YBX2: variants seen among roughly 807,000 people sequenced by gnomAD.
YBX2 encodes Y-box-binding protein 2.
In YBX2, 5 loss-of-function variants were observed where a neutral mutation model predicts 44.4. The observed-to-expected ratio is 0.11, with a 90% CI of 0.06 to 0.24. The LOEUF (loss-of-function observed/expected upper bound fraction) is 0.24, where lower values mean the gene tolerates loss of function less well. Ranked by LOEUF, YBX2 falls within the 10% of genes least tolerant of loss-of-function variation. YBX2 has a pLI of 1.00. For missense variants in YBX2, 417 were observed against 526.9 expected (o/e 0.79, Z 2.04); for synonymous variants, 188 against 216.1 (o/e 0.87, Z 1.14).
intron 2 of YBX2, chr17:7,292,306 G>A: frequency 1.9e-6 from 1 of 531,790 alleles, no homozygotes; most frequent in Non-Finnish European, 3.4e-6. Context: ...AGGCTGGGGA[G>A]GCAAAGGCAC....
intron 6 of YBX2, 103 bp from the exon 7 acceptor site, chr17:7,289,828 G>T: frequency 6.3e-7 from 1 of 1,591,720 alleles, no homozygotes; most frequent in South Asian, 1.1e-5. Flanking sequence ...TCCAGCCCAT[G>T]AGCACTGCCT....
chr17:7,289,433 G>GCTC, intron 7 of YBX2, 97 bp downstream of exon 7: 2 of 1,520,738 alleles, frequency 1.3e-6, no homozygotes, highest in South Asian at 1.2e-5. Context: ...GGCAGGGGAG[G>GCTC]GGAGGAGCCA....
At position 7,294,350 on chromosome 17, in the gene YBX2, A is replaced by G; in HGVS notation, c.151T>C (p.Ser51Pro). The G allele has an allele frequency of 1.5e-6, 2 of 1,356,232 alleles. No individual in the cohort carries two copies. The highest frequency in any genetic ancestry group is 1.9e-6 in the Non-Finnish European group (2 of 1,055,896). 84.0% of individuals were successfully genotyped at this position (1,356,232 alleles called of 1,614,324 possible). Residue 51 changes from serine to proline, a missense_variant, in exon 1 of 9, where the codon TCG (serine) becomes CCG (proline). Ser to Pro is a moderately conservative substitution (Grantham distance 74). Transcript: ENST00000007699. This position sits in a 1 kb window ranked among gnomAD's most constrained non-coding sequence, Gnocchi z 4.6. ...GAGGGGGTCCCAGCAGCGGGGCCCG[A>G]GGCGGCTCCGCCCCCGCCGCCCGCC... is the stretch of plus-strand genomic sequence containing the variant. ...GGAGGGGGAA[S>P]GPAAGTPSAP...
chr17:7,292,131 G>C (rs2072505779), intron 2 of YBX2, 72 bp from the exon 3 acceptor site: 5 of 1,573,510 alleles, frequency 3.2e-6, no homozygotes. Flanking sequence ...GGTCCCCCTA[G>C]ATGCCCAGTC....
At chr17:7,290,928 C>G (rs772175929) in intron 4 of YBX2, among the ~76,000 whole-genome samples, 165 bp downstream of exon 4, 1 of 152,174 alleles carries the variant, frequency 6.6e-6, no homozygotes, top group Non-Finnish European at 1.5e-5. Flanking sequence ...CTTAGGACAT[C>G]CCTTAGCCCT....
intron 6 of YBX2, 61 bp downstream of exon 6, chr17:7,289,906 TC>T: frequency 6.2e-7 from 1 of 1,605,230 alleles, no homozygotes; most frequent in East Asian, 2.2e-5. Flanking sequence ...CATCCTCCTG[TC>T]CCTTGCCCCA....
At position 7,291,797 on chromosome 17, in the gene YBX2, C is replaced by G. The variant is rs1405595251; in HGVS notation, c.369+229G>C. The G allele has an allele frequency of 3.4e-6, 2 of 582,400 alleles. No homozygotes were observed. The highest frequency in any genetic ancestry group is 1.9e-5 in the African/African-American group (1 of 53,516). The allele number at this position is 582,400 out of a possible 1,614,324, so 36.1% of individuals were successfully genotyped here. On this transcript the variant is annotated intron_variant, in intron 3 of 8. Coordinates refer to ENST00000007699, the MANE Select transcript of YBX2 (RefSeq NM_015982.4). This position sits in a 1 kb window ranked among gnomAD's most constrained non-coding sequence, Gnocchi z 5.8. ...AGTGCTTCCTGGAGTGTTAACAGGT[C>G]CCGGTGGGTAGTAAGCGTGCCATGC...
chr17:7,292,470 C>T (rs2072508305), intron 2 of YBX2: 1 of 244,306 alleles, frequency 4.1e-6, no homozygotes, highest in Non-Finnish European at 8.3e-6. Context: ...CTTCTTCCTT[C>T]TATAGTCAAG....
intron 6 of YBX2, 40 bp from the exon 7 acceptor site, chr17:7,289,765 C>T: frequency 6.2e-7 from 1 of 1,611,388 alleles, no homozygotes. Flanking sequence ...CCAGGGAATA[C>T]TCCCTCCCCA....
chr17:7,292,194 C>G (rs1354516907), intron 2 of YBX2, 135 bp from the exon 3 acceptor site: 9 of 1,037,706 alleles, frequency 8.7e-6, no homozygotes, highest in Non-Finnish European at 1.3e-5. Flanking sequence ...TGGACATGGC[C>G]TGGGGAATGG....
rs768982078 is a variant in YBX2, at chr17:7,290,292, C to G, written c.703G>C (p.Val235Leu). The part of the protein sequence containing the change: ...PPPFFYRRRF[V>L]RGPRPPNQQQ... ...TGGTTGGGAGGCCGGGGGCCTCGCA[C>G]AAACCGCCGTCGGTAGAAGAAGGGT... The change falls in exon 5 of 9, where the codon GTG (valine) becomes CTG (leucine). Residue 235 changes from valine (V) to leucine (L), a missense_variant. This residue lies in a region of YBX2 where 257 missense variants were observed against 261.7 expected (regional missense o/e 0.98). Coordinates refer to ENST00000007699, the MANE Select transcript of YBX2 (RefSeq NM_015982.4). 1 of 1,613,494 alleles carries G rather than the reference C, an allele frequency of 6.2e-7. No individual in the cohort carries two copies. The highest frequency in any genetic ancestry group is 1.1e-5 in the South Asian group (1 of 91,018).
chr17:7,291,177 A>C lies in YBX2; in HGVS notation c.375T>G (p.Ala125=). 6.2e-7 allele frequency: 1 copy of C among 1,613,940 alleles called. No homozygotes were observed. Among genetic ancestry groups the C allele is most frequent in the East Asian group, 2.2e-5 (1 of 44,900 alleles). The change falls in exon 4 of 9, where the codon GCT becomes GCG. Residue 125 remains alanine (A), a synonymous_variant. Transcript: ENST00000007699. The surrounding 1 kb of genome is among the most constrained non-coding windows in gnomAD (Gnocchi z 5.8). ...TKEDVFVHQT[A]IKRNNPRKFL... is the part of the protein sequence containing the mutation. ...ACTTCCTGGGGTTGTTTCTTTTAAT[A>C]GCTGTCTGATTGGGGAAAAGGCCAT...
intron 2 of YBX2, chr17:7,292,688 G>A (rs1383271438): frequency 2.0e-4 from 30 of 153,456 alleles, no homozygotes; most frequent in Admixed American, 1.9e-3. Flanking sequence ...AAGAACCCCA[G>A]TGGGTGGGGG....
intron 7 of YBX2, 104 bp from the exon 8 acceptor site, chr17:7,288,942 A>G: frequency 7.2e-7 from 1 of 1,391,090 alleles, no homozygotes; most frequent in East Asian, 2.4e-5. Context: ...GGCTCACTGC[A>G]AACTCCCCCT....
chr17:7,288,923 C>G (rs1485111000), intron 7 of YBX2, 85 bp from the exon 8 acceptor site: 2 of 1,551,742 alleles, frequency 1.3e-6, no homozygotes, highest in East Asian at 2.3e-5. Flanking sequence ...AGTACAGTGG[C>G]GTGATCTTGG....
intron 7 of YBX2, among the ~76,000 whole-genome samples, 182 bp from the exon 8 acceptor site, chr17:7,289,020 C>G (rs1411065375): frequency 1.3e-5 from 2 of 152,148 alleles, no homozygotes; most frequent in Non-Finnish European, 1.5e-5. Context: ...TGCTACCACG[C>G]CTGGCTAATT....
chr17:7,294,222 C>A lies in YBX2; in HGVS notation c.271+8G>T. On this transcript the variant is annotated splice_region_variant and intron_variant, in intron 1 of 8. Transcript: ENST00000007699. The surrounding 1 kb of genome is among the most constrained non-coding windows in gnomAD (Gnocchi z 4.6). ...CTCAGAGCCGCCCTGTGCGCGCCTG[C>A]CCCTCACCCAGCACCGGCTTGTCCG... 7.9e-7 allele frequency: 1 copy of A among 1,269,708 alleles called. No individual in the cohort carries two copies. Among genetic ancestry groups the A allele is most frequent in the Non-Finnish European group, 9.9e-7 (1 of 1,013,308 alleles). The allele number at this position is 1,269,708 out of a possible 1,614,324, so 78.7% of individuals were successfully genotyped here.
At chr17:7,290,702 T>C (rs778136638) in intron 4 of YBX2, 167 bp from the exon 5 acceptor site, 48 of 804,678 alleles carry the variant, frequency 6.0e-5, no homozygotes, top group Middle Eastern at 3.1e-4. Flanking sequence ...TTGCACCCAT[T>C]TGGGAAGGAG....
chr17:7,289,931 G>A (rs767959594), intron 6 of YBX2, 37 bp downstream of exon 6: 1 of 1,610,964 alleles, frequency 6.2e-7, no homozygotes, highest in Admixed American at 1.7e-5. Flanking sequence ...ATCCAACACT[G>A]GAAGGGGAAG....
Sources: allele counts gnomAD v4.1 joint callset (sites outside exome capture counted in the v4.1 genomes callset), GRCh38; gene constraint gnomAD v4.1.1; regional missense constraint gnomAD v4.1.1; non-coding constraint Gnocchi (gnomAD v3.1); transcripts MANE v1.5; gene names NCBI Gene and HGNC (gene_info 2026-07-23, HGNC 2026-07-21).